PCDH15: variants seen among roughly 807,000 people sequenced by gnomAD.
PCDH15 encodes protocadherin-15.
PCDH15 carries 129 observed loss-of-function variants against 178.5 expected under a neutral mutation model. The ratio of observed to expected loss-of-function variants is 0.72; its 90% CI spans 0.63 to 0.84. The LOEUF is 0.84. Ranked by LOEUF, PCDH15 falls within the 40% of genes least tolerant of loss-of-function variation. The pLI is 0.00. For synonymous variants in PCDH15, 800 were observed against 732.0 expected, an observed-to-expected ratio of 1.09 and a Z score of -1.50; for missense variants, 2,230 against 2,099.9, an observed-to-expected ratio of 1.06 and a Z score of -1.21.
At chr10:55,372,647 G>A (rs1845535279) in intron 2 of PCDH15, among the ~76,000 whole-genome samples, 1 of 152,102 alleles carries the variant, frequency 6.6e-6, no homozygotes, top group South Asian at 2.1e-4. Context: ...ATGAGGCAAA[G>A]CCAAACTTAA....
At chr10:55,607,307 A>C (rs1218174241) in intron 2 of PCDH15, among the ~76,000 whole-genome samples, 1 of 144,016 alleles carries the variant, frequency 6.9e-6, no homozygotes, top group Non-Finnish European at 1.6e-5. Context: ...GTGGGACTGT[A>C]AACTAGTTCA....
At chr10:54,854,930 A>G (rs1050353780) in intron 3 of PCDH15, among the ~76,000 whole-genome samples, 2 of 152,278 alleles carry the variant, frequency 1.3e-5, no homozygotes, top group East Asian at 1.9e-4. Flanking sequence ...TGCTGCCTCC[A>G]TGGTGCCTAT....
rs1296928227 is a variant in PCDH15 at position 55,267,563 on chromosome 10, C to T, written c.-156+52036G>A. Among the ~76,000 whole-genome samples the T allele has an allele frequency of 2.0e-5, 3 of 152,040 alleles. 1 individual carries two copies. The highest frequency in any genetic ancestry group is 7.2e-5 in the African/African-American group (3 of 41,394). On this transcript the variant is annotated intron_variant, in intron 1 of 5. Coordinates refer to the PCDH15 transcript ENST00000458638. ...TAGGTGCTTTTGTGGAGTGGTTTTC[C>T]AAATAAGGTGGTGGGAGAGGAAAAG...
At chr10:55,591,921 CAT>C (rs1842849426) in intron 2 of PCDH15, among the ~76,000 whole-genome samples, 3 of 152,044 alleles carry the variant, frequency 2.0e-5, no homozygotes, top group Non-Finnish European at 2.9e-5. Flanking sequence ...ATATACATGA[CAT>C]ATATGTATAC....
chr10:54,901,628 T>A (rs1444237088), intron 2 of PCDH15, among the ~76,000 whole-genome samples: 1 of 152,192 alleles, frequency 6.6e-6, no homozygotes, highest in African/African-American at 2.4e-5. Context: ...ATGTAGTCAA[T>A]GTAATTTACC....
At chr10:54,545,325 CAA>C (rs1352540173) in intron 2 of PCDH15, among the ~76,000 whole-genome samples, 3 of 152,064 alleles carry the variant, frequency 2.0e-5, no homozygotes, top group African/African-American at 7.2e-5. Context: ...TTATTTTATG[CAA>C]ACTCTTTAAA....
intron 1 of PCDH15, among the ~76,000 whole-genome samples, chr10:54,749,914 A>ACTAC (rs1945978438): frequency 2.0e-5 from 3 of 152,122 alleles, no homozygotes; most frequent in Admixed American, 2.0e-4. Flanking sequence ...TATTTTTGCC[A>ACTAC]CTACCTATAT....
At chr10:55,622,120 A>AAT (rs1376401128) in intron 2 of PCDH15, among the ~76,000 whole-genome samples, 4 of 66,130 alleles carry the variant, frequency 6.0e-5, no homozygotes, top group South Asian at 4.0e-4. Flanking sequence ...TATATCTATA[A>AAT]ATATATATAT....
chr10:54,646,813 T>G (rs999784028), intron 2 of PCDH15, among the ~76,000 whole-genome samples: 4 of 151,888 alleles, frequency 2.6e-5, no homozygotes, highest in Non-Finnish European at 5.9e-5. Flanking sequence ...AGGATGACCA[T>G]TATAAAAAAC....
At chr10:54,980,285 A>C (rs1224516749) in intron 2 of PCDH15, among the ~76,000 whole-genome samples, 3 of 152,192 alleles carry the variant, frequency 2.0e-5, no homozygotes, top group Non-Finnish European at 2.9e-5. Context: ...TCTAAGTATA[A>C]CATTTACACA....
chr10:54,888,279 G>A (rs1019876411), intron 3 of PCDH15, among the ~76,000 whole-genome samples: 19 of 151,926 alleles, frequency 1.3e-4, no homozygotes, highest in African/African-American at 4.6e-4. Flanking sequence ...ATATTTGTGG[G>A]CTCATAGAGC....
At chr10:55,526,152 T>C (rs1242598099) in intron 2 of PCDH15, among the ~76,000 whole-genome samples, 2 of 151,976 alleles carry the variant, frequency 1.3e-5, no homozygotes, top group African/African-American at 4.8e-5. Flanking sequence ...TTTTTGCTAC[T>C]AATAGACAAG....
At chr10:54,130,768 G>C (rs2042372595) in intron 15 of PCDH15, among the ~76,000 whole-genome samples, 1 of 152,202 alleles carries the variant, frequency 6.6e-6, no homozygotes, top group Non-Finnish European at 1.5e-5. Flanking sequence ...CAGTGCGTCA[G>C]CTGTAGGTAG....
chr10:53,923,381 A>T (rs952260682), intron 25 of PCDH15, among the ~76,000 whole-genome samples: 1 of 152,224 alleles, frequency 6.6e-6, no homozygotes, highest in Non-Finnish European at 1.5e-5. Context: ...GGAAGAACTG[A>T]CTACGAGACT....
intron 8 of PCDH15, among the ~76,000 whole-genome samples, chr10:54,240,886 C>T (rs7068279): frequency 0.75 from 112,993 of 151,506 alleles, 43,323 homozygotes; most frequent in African/African-American, 0.84. Flanking sequence ...CCGCCTTGGC[C>T]TCCCAAAGTG....
At chr10:54,167,391 G>C (rs573991604) in intron 13 of PCDH15, among the ~76,000 whole-genome samples, 11 of 151,980 alleles carry the variant, frequency 7.2e-5, no homozygotes, top group East Asian at 1.9e-4. Flanking sequence ...CATTTTCTGG[G>C]AGAGACAAAG....
chr10:54,779,046 T>G (rs987827496), intron 1 of PCDH15, among the ~76,000 whole-genome samples: 2 of 152,036 alleles, frequency 1.3e-5, no homozygotes, highest in Non-Finnish European at 2.9e-5. Context: ...CAACCTCTAA[T>G]TCAGGAGAGA....
intron 1 of PCDH15, among the ~76,000 whole-genome samples, chr10:55,184,817 G>A (rs967219257): frequency 3.3e-5 from 5 of 151,726 alleles, no homozygotes; most frequent in African/African-American, 9.7e-5. Flanking sequence ...GTTAAACCAC[G>A]GATATCAGTT....
intron 8 of PCDH15, among the ~76,000 whole-genome samples, chr10:54,284,694 T>C (rs538824806): frequency 1.1e-3 from 163 of 152,338 alleles, no homozygotes; most frequent in African/African-American, 3.8e-3. Flanking sequence ...TGTGGTCAAA[T>C]TGACCACATG....
Sources: allele counts gnomAD v4.1 joint callset (sites outside exome capture counted in the v4.1 genomes callset), GRCh38; gene constraint gnomAD v4.1.1; transcripts MANE v1.5; gene names NCBI Gene and HGNC (gene_info 2026-07-23, HGNC 2026-07-21).